Variants in ZNF804B observed in about 807,000 individuals in gnomAD.
The protein encoded by ZNF804B is zinc finger protein 804B.
A neutral mutation model predicts 101.4 loss-of-function variants in ZNF804B; 80 were observed. The observed-to-expected ratio is 0.79, with a 90% CI of 0.66 to 0.95. The LOEUF is 0.95. Among genes scored for constraint, ZNF804B ranks in the 40% least tolerant of loss-of-function variants. ZNF804B has a pLI of 0.00. For synonymous variants in ZNF804B, 622 were observed against 558.8 expected (o/e 1.11, Z -1.59); for missense variants, 1,673 against 1,561.9 (o/e 1.07, Z -1.20).
chr7:89,183,245 G>C lies in ZNF804B; in HGVS notation c.109-34910G>C, dbSNP rs1411907351. On this transcript the variant is annotated intron_variant, in intron 1 of 3. Transcript: ENST00000333190. Reference sequence around the variant, plus strand: ...AAACCTTGACAGGAACATAAGCTATGTATGGGAGCACCCTGAGGAACAGAC... The same window carrying C: ...AAACCTTGACAGGAACATAAGCTATCTATGGGAGCACCCTGAGGAACAGAC... Among the ~76,000 whole-genome samples, 9 of 152,110 alleles carry C rather than the reference G, an allele frequency of 5.9e-5. No homozygotes were observed. The East Asian group carries it at 1.7e-3, about 29-fold the overall frequency.
chr7:88,865,738 A>G (rs1791717149), intron 1 of ZNF804B, among the ~76,000 whole-genome samples: 1 of 152,122 alleles, frequency 6.6e-6, no homozygotes, highest in Non-Finnish European at 1.5e-5. Flanking sequence ...CTGTGCTCTT[A>G]TATGGCTCCC....
chr7:88,954,971 AGG>A (rs756742623), intron 1 of ZNF804B, among the ~76,000 whole-genome samples: 6 of 151,596 alleles, frequency 4.0e-5, no homozygotes, highest in Non-Finnish European at 8.9e-5. Flanking sequence ...ATCTTAGAAA[AGG>A]AGATTTTTGG....
intron 1 of ZNF804B, among the ~76,000 whole-genome samples, chr7:88,922,229 G>GC (rs1562832698): frequency 6.6e-6 from 1 of 151,910 alleles, no homozygotes; most frequent in African/African-American, 2.4e-5. Flanking sequence ...TCATTTTATC[G>GC]CTATTAGCTT....
At chr7:88,762,001 G>T (rs1297985944) in intron 1 of ZNF804B, among the ~76,000 whole-genome samples, 1 of 152,046 alleles carries the variant, frequency 6.6e-6, no homozygotes, top group Non-Finnish European at 1.5e-5. Context: ...GTTGACCAGG[G>T]TTCACCAGGT....
intron 1 of ZNF804B, among the ~76,000 whole-genome samples, chr7:89,202,522 T>C (rs540964446): frequency 3.3e-5 from 5 of 152,294 alleles, no homozygotes; most frequent in Admixed American, 6.5e-5. Context: ...TATTTCTAAA[T>C]ATGTTGTTAA....
At chr7:89,043,543 A>T (rs1308132771) in intron 1 of ZNF804B, among the ~76,000 whole-genome samples, 1 of 152,222 alleles carries the variant, frequency 6.6e-6, no homozygotes, top group Non-Finnish European at 1.5e-5. Context: ...ATTGAGAAAC[A>T]TAATATAGCA....
At chr7:88,978,417 A>G (rs1428315570) in intron 1 of ZNF804B, among the ~76,000 whole-genome samples, 2 of 151,774 alleles carry the variant, frequency 1.3e-5, no homozygotes, top group Admixed American at 6.6e-5. Context: ...TTGGGTGAAT[A>G]TACATTTGCA....
intron 1 of ZNF804B, among the ~76,000 whole-genome samples, chr7:89,134,901 T>C (rs1469541390): frequency 1.3e-5 from 2 of 152,076 alleles, no homozygotes; most frequent in Non-Finnish European, 2.9e-5. Context: ...GGCTAATAAT[T>C]AGGAAAGGTA....
At chr7:89,177,379 T>A (rs937828239) in intron 1 of ZNF804B, among the ~76,000 whole-genome samples, 2 of 152,200 alleles carry the variant, frequency 1.3e-5, no homozygotes, top group Non-Finnish European at 2.9e-5. Context: ...GGCTCACTGG[T>A]CTTTTAGAAG....
intron 2 of ZNF804B, among the ~76,000 whole-genome samples, chr7:89,228,208 T>G (rs1789125971): frequency 6.6e-6 from 1 of 151,870 alleles, no homozygotes; most frequent in South Asian, 2.1e-4. Context: ...CAGTGAGTGT[T>G]ACAGCTCATA....
intron 2 of ZNF804B, among the ~76,000 whole-genome samples, chr7:89,250,155 C>G (rs1397463712): frequency 6.6e-6 from 1 of 151,940 alleles, no homozygotes; most frequent in Non-Finnish European, 1.5e-5. Context: ...CCACTGCACT[C>G]CAGCCTGGGT....
chr7:89,183,196 G>A (rs1020898778), intron 1 of ZNF804B, among the ~76,000 whole-genome samples: 9 of 152,124 alleles, frequency 5.9e-5, no homozygotes, highest in African/African-American at 2.2e-4. Context: ...AAAAAAATGG[G>A]TATTAATAGT....
chr7:89,252,308 T>C (rs888243278), intron 2 of ZNF804B, among the ~76,000 whole-genome samples: 11 of 151,742 alleles, frequency 7.2e-5, no homozygotes, highest in Non-Finnish European at 1.5e-4. Flanking sequence ...TGAAAAAATA[T>C]CAAAACCACA....
At chr7:88,782,848 C>T (rs1790250362) in intron 1 of ZNF804B, among the ~76,000 whole-genome samples, 2 of 152,068 alleles carry the variant, frequency 1.3e-5, no homozygotes, top group East Asian at 3.9e-4. Context: ...GGTGAGTGGT[C>T]TTCCTAAGAA....
At chr7:89,079,896 A>C (rs1255893289) in intron 1 of ZNF804B, among the ~76,000 whole-genome samples, 1 of 152,038 alleles carries the variant, frequency 6.6e-6, no homozygotes, top group Non-Finnish European at 1.5e-5. Context: ...GTACACTATG[A>C]AGAGTATTAG....
intron 2 of ZNF804B, among the ~76,000 whole-genome samples, chr7:89,317,620 C>A (rs1413210542): frequency 1.3e-5 from 2 of 152,198 alleles, no homozygotes; most frequent in African/African-American, 4.8e-5. Flanking sequence ...CAAAGAGCAG[C>A]TGGCTAGAGT....
chr7:89,121,170 G>A (rs1343776643), intron 1 of ZNF804B, among the ~76,000 whole-genome samples: 1 of 152,188 alleles, frequency 6.6e-6, no homozygotes, highest in Non-Finnish European at 1.5e-5. Flanking sequence ...CACATTGGTA[G>A]AGAGCTCATT....
intron 1 of ZNF804B, among the ~76,000 whole-genome samples, chr7:89,000,367 A>G (rs534281729): frequency 6.6e-6 from 1 of 152,134 alleles, no homozygotes; most frequent in South Asian, 2.1e-4. Flanking sequence ...TCATTAAGCA[A>G]TGAATTGTGA....
intron 1 of ZNF804B, among the ~76,000 whole-genome samples, chr7:88,819,660 A>C (rs942763344): frequency 2.0e-5 from 3 of 152,186 alleles, no homozygotes; most frequent in Admixed American, 2.0e-4. Context: ...AAAAATCCAC[A>C]AATAAAATTA....
Sources: allele counts gnomAD v4.1 joint callset (sites outside exome capture counted in the v4.1 genomes callset), GRCh38; gene constraint gnomAD v4.1.1; transcripts MANE v1.5; gene names NCBI Gene and HGNC (gene_info 2026-07-23, HGNC 2026-07-21).